PCLO: variants seen among roughly 807,000 people sequenced by gnomAD.
PCLO encodes the protein protein piccolo.
Under a neutral mutation model 427.5 loss-of-function variants are expected in PCLO, and 82 were observed. That is an observed-to-expected ratio of 0.19 (90% CI 0.16 to 0.23). PCLO has a LOEUF of 0.23. Ranked by LOEUF, PCLO falls within the 10% of genes least tolerant of loss-of-function variation. The pLI, the probability that PCLO is intolerant of heterozygous loss-of-function variation, is 1.00. For synonymous variants in PCLO, 2,357 were observed against 2,155.4 expected, an observed-to-expected ratio of 1.09 and a Z score of -2.59; for missense variants, 6,239 against 6,115.9, an observed-to-expected ratio of 1.02 and a Z score of -0.67.
chr7:82,941,471 T>C (rs1795084695), intron 6 of PCLO, among the ~76,000 whole-genome samples: 2 of 152,138 alleles, frequency 1.3e-5, no homozygotes, highest in South Asian at 4.1e-4. Flanking sequence ...ATAAAATTGA[T>C]GTTGGGTAGG....
At chr7:82,767,581 G>A (rs1433300490) in intron 22 of PCLO, among the ~76,000 whole-genome samples, 2 of 151,928 alleles carry the variant, frequency 1.3e-5, no homozygotes, top group African/African-American at 4.8e-5. Flanking sequence ...ATAATATAGA[G>A]AACATAGAGA....
intron 6 of PCLO, among the ~76,000 whole-genome samples, chr7:82,931,838 AGAG>A: frequency 6.6e-6 from 1 of 152,110 alleles, no homozygotes; most frequent in Non-Finnish European, 1.5e-5. Flanking sequence ...TCACTTAAAG[AGAG>A]GGGACTCCAC....
intron 3 of PCLO, among the ~76,000 whole-genome samples, chr7:83,116,467 A>C (rs555732324): frequency 6.6e-6 from 1 of 152,280 alleles, no homozygotes; most frequent in African/African-American, 2.4e-5. Context: ...AGTTTCAGTA[A>C]AGGAAACAAC....
chr7:82,914,059 A>G (rs1794385845), intron 7 of PCLO, among the ~76,000 whole-genome samples: 1 of 152,056 alleles, frequency 6.6e-6, no homozygotes, highest in Non-Finnish European at 1.5e-5. Flanking sequence ...CAAAATTACA[A>G]ATTTGTAAAT....
At chr7:82,959,344 G>A (rs986371139) in intron 4 of PCLO, among the ~76,000 whole-genome samples, 19 of 152,270 alleles carry the variant, frequency 1.2e-4, no homozygotes, top group African/African-American at 2.9e-4. Flanking sequence ...GATTACAGGC[G>A]TGAGCCACCG....
At chr7:83,065,070 A>T (rs1041721361) in intron 3 of PCLO, among the ~76,000 whole-genome samples, 1 of 151,548 alleles carries the variant, frequency 6.6e-6, no homozygotes, top group African/African-American at 2.4e-5. Context: ...AAAAAAAAAA[A>T]AGAGAGACTA....
chr7:82,832,516 G>A (rs1223836749), intron 16 of PCLO, among the ~76,000 whole-genome samples: 3 of 152,036 alleles, frequency 2.0e-5, no homozygotes, highest in South Asian at 2.1e-4. Flanking sequence ...GGCTCCCAAA[G>A]TGCTGGTGGT....
chr7:83,134,803 G>A lies in PCLO; in HGVS notation c.2747C>T (p.Pro916Leu). Residue 916 changes from proline to leucine, a missense_variant, in exon 3 of 25, where the codon CCC becomes CTC. Coordinates refer to ENST00000333891, the MANE Select transcript of PCLO (RefSeq NM_033026.6). ...TTGAGGAGTTGTAGGCTGTGATTTG[G>A]GGGCATCAGTAATACTTCCCAGATT... is the stretch of plus-strand genomic sequence containing the variant. Reference protein sequence around the residue: ...SLNLGSITDAPKSQPTTPQET... With the variant: ...SLNLGSITDALKSQPTTPQET... 6.2e-7 allele frequency: 1 copy of A among 1,613,820 alleles called. No homozygotes were observed. The highest frequency in any genetic ancestry group is 8.5e-7 in the Non-Finnish European group (1 of 1,179,834).
At chr7:82,821,126 A>ACTGGT in intron 20 of PCLO, 1 of 1,032,124 alleles carries the variant, frequency 9.7e-7, no homozygotes, top group Non-Finnish European at 1.2e-6. Context: ...TTCTGGCTTG[A>ACTGGT]CTGGTCCATC....
chr7:83,006,793 CTTGTTTTTA>C (rs1787957191), intron 3 of PCLO, among the ~76,000 whole-genome samples: 1 of 151,252 alleles, frequency 6.6e-6, no homozygotes, highest in Non-Finnish European at 1.5e-5. Flanking sequence ...CTACCCCTTC[CTTGTTTTTA>C]TTACACAAAA....
intron 3 of PCLO, among the ~76,000 whole-genome samples, chr7:83,117,125 T>C (rs1451298894): frequency 6.6e-6 from 1 of 152,134 alleles, no homozygotes; most frequent in Admixed American, 6.6e-5. Context: ...GTGAAAAGGG[T>C]ATTTTTATTT....
At position 82,841,486 on chromosome 7, in the gene PCLO, G is replaced by A. The variant is rs374657145; in HGVS notation, c.14070C>T (p.Val4690=). ...GAATTTCTCCTGTAATTGGATGAGAGACAACCTTTGTTCCATCGGTAGGCT... is the reference window on the plus strand; with the variant it reads ...GAATTTCTCCTGTAATTGGATGAGAAACAACCTTTGTTCCATCGGTAGGCT... ...SSKPTDGTKV[V]SHPITGEIQL... is the part of the protein sequence containing the mutation. The change falls in exon 14 of 25, where the codon GTC becomes GTT. Residue 4690 remains valine, a synonymous_variant. Coordinates refer to ENST00000333891, the MANE Select transcript of PCLO (RefSeq NM_033026.6). 3.1e-6 allele frequency: 5 copies of A among 1,596,770 alleles called. No homozygotes were observed. The African/African-American group carries it at 6.7e-5, about 21-fold the overall frequency.
chr7:82,931,505 T>C (rs533854953), intron 6 of PCLO, among the ~76,000 whole-genome samples: 24 of 152,282 alleles, frequency 1.6e-4, no homozygotes, highest in Admixed American at 3.3e-4. Context: ...CAAGTTGCCA[T>C]TGAAGTTATC....
intron 3 of PCLO, among the ~76,000 whole-genome samples, chr7:83,071,882 T>A (rs1402375294): frequency 1.3e-5 from 2 of 152,272 alleles, no homozygotes; most frequent in South Asian, 4.1e-4. Context: ...TATATCTGAC[T>A]TTAGAGTACA....
intron 3 of PCLO, among the ~76,000 whole-genome samples, chr7:83,068,092 T>A (rs560757531): frequency 6.6e-6 from 1 of 152,256 alleles, no homozygotes; most frequent in Non-Finnish European, 1.5e-5. Context: ...ATATTAAAAC[T>A]GAAATTTAGC....
At chr7:83,138,583 C>T (rs955009849) in intron 2 of PCLO, among the ~76,000 whole-genome samples, 1 of 151,930 alleles carries the variant, frequency 6.6e-6, no homozygotes, top group Non-Finnish European at 1.5e-5. Context: ...ATCGCTTAAA[C>T]CTGGGAGGTG....
At chr7:82,792,116 G>A (rs2129468428) in intron 22 of PCLO, among the ~76,000 whole-genome samples, 1 of 152,058 alleles carries the variant, frequency 6.6e-6, no homozygotes, top group South Asian at 2.1e-4. Flanking sequence ...GCTATCAGGA[G>A]GTCTTTAATG....
intron 3 of PCLO, among the ~76,000 whole-genome samples, chr7:83,068,902 A>T (rs1789737551): frequency 6.6e-6 from 1 of 152,236 alleles, no homozygotes; most frequent in African/African-American, 2.4e-5. Context: ...GACTGGATAA[A>T]GAAATTGTGA....
intron 3 of PCLO, among the ~76,000 whole-genome samples, chr7:83,023,850 G>A (rs1788408165): frequency 6.6e-6 from 1 of 152,208 alleles, no homozygotes; most frequent in African/African-American, 2.4e-5. Context: ...GAGAAGTGAT[G>A]TATGGCAAAT....
Sources: allele counts gnomAD v4.1 joint callset (sites outside exome capture counted in the v4.1 genomes callset), GRCh38; gene constraint gnomAD v4.1.1; transcripts MANE v1.5; gene names NCBI Gene and HGNC (gene_info 2026-07-23, HGNC 2026-07-21).